Variants in ARHGAP22 observed in about 807,000 individuals in gnomAD.
ARHGAP22 encodes the protein rho GTPase-activating protein 22.
A neutral mutation model predicts 59.1 loss-of-function variants in ARHGAP22; 48 were observed. The ratio of observed to expected loss-of-function variants is 0.81; its 90% CI spans 0.64 to 1.03. The LOEUF (loss-of-function observed/expected upper bound fraction) is 1.03. ARHGAP22 is among the 50% of genes least tolerant of loss of function. The pLI, the probability that ARHGAP22 is intolerant of heterozygous loss-of-function variation, is 0.00. For missense variants in ARHGAP22, 1,015 were observed against 958.7 expected (o/e 1.06, Z -0.78); for synonymous variants, 445 against 416.4 (o/e 1.07, Z -0.84).
At chr10:48,604,352 C>T (rs149905137) in intron 1 of ARHGAP22, among the ~76,000 whole-genome samples, 1 of 152,252 alleles carries the variant, frequency 6.6e-6, no homozygotes, top group Non-Finnish European at 1.5e-5. Flanking sequence ...CCAGCTGTCT[C>T]TAGAAGCCAG....
intron 1 of ARHGAP22, among the ~76,000 whole-genome samples, chr10:48,590,638 G>A (rs2059695592): frequency 6.6e-6 from 1 of 152,212 alleles, no homozygotes; most frequent in Non-Finnish European, 1.5e-5. Flanking sequence ...CCCTTGAGTG[G>A]CCTGGTCAGG....
At chr10:48,459,940 T>C (rs766742427) in intron 4 of ARHGAP22, 49 bp from the exon 5 acceptor site, 8 of 1,570,682 alleles carry the variant, frequency 5.1e-6, no homozygotes, top group African/African-American at 1.3e-5. Flanking sequence ...CAGCTCAGTG[T>C]TGGGTGCTCA....
intron 4 of ARHGAP22, among the ~76,000 whole-genome samples, chr10:48,475,424 C>T (rs567808669): frequency 6.6e-6 from 1 of 152,336 alleles, no homozygotes; most frequent in African/African-American, 2.4e-5. Flanking sequence ...GCTGAAATAT[C>T]TACCTGCCTA....
Position 48,453,308 on chromosome 10 carries a change from C to T in ARHGAP22, c.984G>A (p.Met328Ile), listed in dbSNP as rs1173223039. The T allele has an allele frequency of 6.2e-7, 1 of 1,613,606 alleles. No individual in the cohort carries two copies. The highest frequency in any genetic ancestry group is 2.2e-5 in the East Asian group (1 of 44,894). ...RPQVEDPVTI[M>I]EGTSLVQHLM... is the part of the protein sequence containing the mutation. Reference sequence around the variant, plus strand: ...CCAGGTACACCTCCCACTTACCTTCCATGATGGTTACTGGGTCCTCTACCT... The same window carrying T: ...CCAGGTACACCTCCCACTTACCTTCTATGATGGTTACTGGGTCCTCTACCT... Residue 328 changes from methionine (M) to isoleucine (I), a missense_variant, in exon 8 of 10, where the codon ATG becomes ATA. Coordinates refer to ENST00000249601, the MANE Select transcript of ARHGAP22 (RefSeq NM_021226.4).
chr10:48,570,994 G>A (rs2058361614), intron 2 of ARHGAP22, among the ~76,000 whole-genome samples: 1 of 152,296 alleles, frequency 6.6e-6, no homozygotes, highest in South Asian at 2.1e-4. Flanking sequence ...CTCATCTAGG[G>A]TGGAACTTCT....
chr10:48,475,259 T>C (rs1262837082), intron 4 of ARHGAP22, among the ~76,000 whole-genome samples: 1 of 152,180 alleles, frequency 6.6e-6, no homozygotes, highest in Non-Finnish European at 1.5e-5. Flanking sequence ...CTTCTGGCTC[T>C]CCTCCCTCTT....
intron 1 of ARHGAP22, among the ~76,000 whole-genome samples, chr10:48,585,273 C>A (rs891052722): frequency 1.3e-5 from 2 of 152,044 alleles, no homozygotes; most frequent in African/African-American, 4.8e-5. Flanking sequence ...TGCTTCCTTT[C>A]AACCTCCACA....
At chr10:48,652,411 T>C (rs2062604072) in exon 1 of ARHGAP22, 2 of 787,584 alleles carry the variant, frequency 2.5e-6, no homozygotes, top group Non-Finnish European at 4.1e-6. Context: ...AGAAAAGAAA[T>C]ATATTTAGAA....
At chr10:48,613,008 G>T (rs2060952297) in intron 1 of ARHGAP22, among the ~76,000 whole-genome samples, 2 of 152,204 alleles carry the variant, frequency 1.3e-5, no homozygotes, top group African/African-American at 2.4e-5. Flanking sequence ...AGGTGCTGCT[G>T]GATGATGCCC....
intron 1 of ARHGAP22, among the ~76,000 whole-genome samples, chr10:48,626,975 C>G (rs2061471930): frequency 6.6e-6 from 1 of 152,188 alleles, no homozygotes. Flanking sequence ...TGAGTCCAAT[C>G]ACCAATGACC....
At position 48,453,574 on chromosome 10, in the gene ARHGAP22, G is replaced by A. The variant is rs1389692000; in HGVS notation, c.867-149C>T. 20 of 1,202,424 alleles carry A rather than the reference G, an allele frequency of 1.7e-5. No homozygotes were observed. The South Asian group carries it at 1.7e-4, about 10-fold the overall frequency. 74.5% of individuals were successfully genotyped at this position (1,202,424 alleles called of 1,614,324 possible). On this transcript the variant is annotated intron_variant, in intron 7 of 9. Transcript: ENST00000249601. ...GGTGTAGCCTGCCTCTGCCAGGCTC[G>A]ATGAGGGAAGGCTTCCCCTGGGGCC...
intron 4 of ARHGAP22, among the ~76,000 whole-genome samples, chr10:48,471,085 C>T (rs1232141997): frequency 1.3e-5 from 2 of 152,218 alleles, no homozygotes; most frequent in Non-Finnish European, 2.9e-5. Flanking sequence ...TGCCCTAGGG[C>T]TTCAGGGAGC....
intron 1 of ARHGAP22, chr10:48,624,983 CA>C (rs2061399859): frequency 6.6e-6 from 1 of 152,202 alleles, no homozygotes; most frequent in Non-Finnish European, 1.5e-5. Context: ...TGTCTGTTGG[CA>C]TAAAGCTTTT....
At chr10:48,553,239 G>A (rs533016565) in intron 3 of ARHGAP22, among the ~76,000 whole-genome samples, 17 of 152,338 alleles carry the variant, frequency 1.1e-4, no homozygotes, top group Non-Finnish European at 1.9e-4. Context: ...CACCCGTCCC[G>A]CTCTCCCTGA....
At chr10:48,525,929 T>G (rs2054284223) in intron 3 of ARHGAP22, among the ~76,000 whole-genome samples, 1 of 152,214 alleles carries the variant, frequency 6.6e-6, no homozygotes, top group Non-Finnish European at 1.5e-5. Flanking sequence ...ATTGTGTAAT[T>G]AAAGTAAATA....
intron 4 of ARHGAP22, among the ~76,000 whole-genome samples, chr10:48,461,487 G>A (rs1372913728): frequency 6.6e-6 from 1 of 152,198 alleles, no homozygotes; most frequent in African/African-American, 2.4e-5. Flanking sequence ...AAAGAAATCA[G>A]AGAGAGAATG....
chr10:48,647,822 G>A (rs766845103), intron 1 of ARHGAP22, among the ~76,000 whole-genome samples: 6 of 152,186 alleles, frequency 3.9e-5, no homozygotes. Flanking sequence ...GAAACACAAT[G>A]TGCATCCCTA....
At chr10:48,452,430 C>T (rs1410558298) in intron 8 of ARHGAP22, among the ~76,000 whole-genome samples, 4 of 152,298 alleles carry the variant, frequency 2.6e-5, no homozygotes, top group South Asian at 2.1e-4. Flanking sequence ...GCATCTGTAC[C>T]ACCAGGCAGG....
chr10:48,523,590 G>C (rs565642845), intron 3 of ARHGAP22, among the ~76,000 whole-genome samples: 20 of 152,256 alleles, frequency 1.3e-4, no homozygotes, highest in Non-Finnish European at 2.4e-4. Flanking sequence ...ACAGAGGCGG[G>C]CGAGAATGAA....
Sources: gnomAD v4.1 joint callset for allele counts (sites outside exome capture counted in the v4.1 genomes callset) on GRCh38, gnomAD v4.1.1 for gene constraint, MANE v1.5 for transcripts, NCBI Gene and HGNC (gene_info 2026-07-23, HGNC 2026-07-21) for gene names.